Variants in MSI2 observed in about 807,000 individuals in gnomAD.
MSI2 encodes RNA-binding protein Musashi homolog 2.
MSI2 carries 17 observed loss-of-function variants against 45.6 expected under a neutral mutation model. The ratio of observed to expected loss-of-function variants is 0.37; its 90% CI spans 0.26 to 0.56. The LOEUF is 0.56. Ranked by LOEUF, MSI2 falls within the 20% of genes least tolerant of loss-of-function variation. The pLI is 0.77. For synonymous variants in MSI2, 156 were observed against 158.2 expected, an observed-to-expected ratio of 0.99 and a Z score of 0.11; for missense variants, 293 against 444.2, an observed-to-expected ratio of 0.66 and a Z score of 3.06.
chr17:57,440,413 C>CGTCTGT (rs2084776248), intron 6 of MSI2, among the ~76,000 whole-genome samples: 1 of 104,530 alleles, frequency 9.6e-6, no homozygotes, highest in Non-Finnish European at 1.9e-5. Flanking sequence ...GTTTGTTATC[C>CGTCTGT]GTGTGTGTGT....
At chr17:57,565,235 C>T (rs1032548057) in intron 7 of MSI2, among the ~76,000 whole-genome samples, 3 of 152,170 alleles carry the variant, frequency 2.0e-5, no homozygotes, top group Non-Finnish European at 4.4e-5. Context: ...ACTGATGCTT[C>T]CAGAGAAGGA....
chr17:57,293,426 A>G (rs1387628763), intron 5 of MSI2, among the ~76,000 whole-genome samples: 2 of 151,892 alleles, frequency 1.3e-5, no homozygotes, highest in African/African-American at 4.8e-5. Flanking sequence ...TGATGTGGAG[A>G]GCTTCCTTCC....
At chr17:57,632,370 A>G in intron 10 of MSI2, 1 of 1,066,292 alleles carries the variant, frequency 9.4e-7, no homozygotes, top group Non-Finnish European at 1.1e-6. Context: ...CTATATAAAC[A>G]CTATCTGACT....
At chr17:57,484,733 G>T (rs277060) in intron 6 of MSI2, among the ~76,000 whole-genome samples, 118,778 of 152,014 alleles carry the variant, frequency 0.78, 46,939 homozygotes, top group East Asian at 0.9. Context: ...AGCTTCTCCA[G>T]CCCTGCTGGG....
At position 57,276,899 on chromosome 17, in the gene MSI2, G is replaced by A. The variant is rs146067902; in HGVS notation, c.312+14707G>A. 3.1e-3 allele frequency among the ~76,000 whole-genome samples: 467 copies of A among 152,088 alleles called. 1 individual carries two copies. Among genetic ancestry groups the A allele is most frequent in the Non-Finnish European group, 5.0e-3 (341 of 67,988 alleles). On this transcript the variant is annotated intron_variant, in intron 5 of 13. Transcript: ENST00000284073. ...GGGCTGACTCGGTCTCCTGGGGAAC[G>A]GTGGCAGAAAGGATGAGACCAGAGA...
rs947454470 is a variant in MSI2, at chr17:57,346,350, G to GT, written c.313-55029_313-55028insT. On this transcript the variant is annotated intron_variant, in intron 5 of 13. Coordinates refer to ENST00000284073, the MANE Select transcript of MSI2 (RefSeq NM_138962.4). ...TGAGACATGTAAATAACACATTTTGGGGGGGGGGGTCTGATTTTTTTCTTA... is the reference window on the plus strand; with the variant it reads ...TGAGACATGTAAATAACACATTTTGGTGGGGGGGGGTCTGATTTTTTTCTTA... 9.9e-5 allele frequency among the ~76,000 whole-genome samples: 9 copies of GT among 90,896 alleles called. No individual in the cohort carries two copies. The East Asian group carries it at 1.4e-3, about 14-fold the overall frequency. 59.6% of individuals were successfully genotyped at this position (90,896 alleles called of 152,430 possible).
intron 6 of MSI2, among the ~76,000 whole-genome samples, chr17:57,418,774 A>T (rs1403326964): frequency 6.6e-6 from 1 of 152,200 alleles, no homozygotes; most frequent in Non-Finnish European, 1.5e-5. Context: ...ATAAGCTGAG[A>T]ATTTGGTGGT....
chr17:57,615,094 T>C (rs2144555774), intron 8 of MSI2, among the ~76,000 whole-genome samples: 1 of 151,684 alleles, frequency 6.6e-6, no homozygotes, highest in South Asian at 2.1e-4. Context: ...CTGAACCTGT[T>C]GGGGAGGGCT....
In MSI2 at chr17:57,545,483, C is replaced by T. The variant is rs567296109; in HGVS notation, c.454+15759C>T. ...TCCAGACACATCAGAGCAGAGCCCC[C>T]TTTAGTTGCAGCAGCTATGGCAGCC... On this transcript the variant is annotated intron_variant, in intron 7 of 13. Transcript: ENST00000284073. Among the ~76,000 whole-genome samples the T allele has an allele frequency of 5.9e-5, 9 of 152,322 alleles. No individual in the cohort carries two copies. In the East Asian group the frequency reaches 1.7e-3, roughly 29 times the overall value.
At chr17:57,329,534 C>T (rs1169163322) in intron 5 of MSI2, among the ~76,000 whole-genome samples, 1 of 152,102 alleles carries the variant, frequency 6.6e-6, no homozygotes, top group Non-Finnish European at 1.5e-5. Flanking sequence ...GGGCCAGAAA[C>T]TCATAGTGGG....
At chr17:57,587,349 C>T (rs2144400686) in intron 7 of MSI2, among the ~76,000 whole-genome samples, 1 of 152,356 alleles carries the variant, frequency 6.6e-6, no homozygotes, top group South Asian at 2.1e-4. Flanking sequence ...AAGGGTTGGC[C>T]AGCGCATCCC....
At chr17:57,636,040 C>G (rs868453778) in intron 10 of MSI2, among the ~76,000 whole-genome samples, 1 of 152,148 alleles carries the variant, frequency 6.6e-6, no homozygotes. Context: ...TCTGCTAGCT[C>G]AGGGATATCC....
intron 11 of MSI2, among the ~76,000 whole-genome samples, chr17:57,667,542 A>G (rs1217122317): frequency 6.6e-6 from 1 of 152,160 alleles, no homozygotes; most frequent in Non-Finnish European, 1.5e-5. Context: ...GTCACCGCAC[A>G]GGGCCCCAGT....
At chr17:57,526,344 CT>C (rs946440725) in intron 6 of MSI2, among the ~76,000 whole-genome samples, 2 of 145,618 alleles carry the variant, frequency 1.4e-5, no homozygotes, top group Non-Finnish European at 1.5e-5. Flanking sequence ...TCATAGCCCC[CT>C]GATATACCTG....
At chr17:57,474,224 C>G (rs2143705814) in intron 6 of MSI2, among the ~76,000 whole-genome samples, 1 of 152,296 alleles carries the variant, frequency 6.6e-6, no homozygotes, top group Middle Eastern at 3.4e-3. Context: ...GCAGTTGGGT[C>G]TAGACGTGCT....
chr17:57,580,817 A>G (rs572159654), intron 7 of MSI2, among the ~76,000 whole-genome samples: 2 of 152,222 alleles, frequency 1.3e-5, no homozygotes, highest in East Asian at 3.9e-4. Context: ...TGGCTCTGCT[A>G]AAGCTCTTAT....
chr17:57,615,928 G>T (rs761256014), intron 8 of MSI2, 42 bp from the exon 9 acceptor site: 3 of 1,444,346 alleles, frequency 2.1e-6, no homozygotes, highest in Admixed American at 1.7e-5. Context: ...CATTTACGTG[G>T]AATTCATTTG....
At chr17:57,464,303 G>A (rs1382756062) in intron 6 of MSI2, among the ~76,000 whole-genome samples, 4 of 152,074 alleles carry the variant, frequency 2.6e-5, no homozygotes, top group Non-Finnish European at 5.9e-5. Context: ...AATTAGTCAG[G>A]CGTGGTGGCA....
chr17:57,434,177 G>A (rs2084650075), intron 6 of MSI2, among the ~76,000 whole-genome samples: 1 of 152,106 alleles, frequency 6.6e-6, no homozygotes, highest in Admixed American at 6.6e-5. Flanking sequence ...TTGGCTCACT[G>A]TAACCTCCGC....
Sources: allele counts gnomAD v4.1 joint callset (sites outside exome capture counted in the v4.1 genomes callset), GRCh38; gene constraint gnomAD v4.1.1; transcripts MANE v1.5; gene names NCBI Gene and HGNC (gene_info 2026-07-23, HGNC 2026-07-21).